PCDH11Y: variants seen among roughly 807,000 people sequenced by gnomAD.
The protein encoded by PCDH11Y is protocadherin 11 Y-linked, also known as protocadherin-11 Y-linked.
For synonymous variants in PCDH11Y, 9 were observed against 83.6 expected (o/e 0.11, Z 4.87); for missense variants, 12 against 224.8 (o/e 0.05, Z 6.05).
At chrY:5,683,880 C>G in intron 4 of PCDH11Y, among the ~76,000 whole-genome samples, 1 of 33,301 alleles carries the variant, frequency 3.0e-5, no homozygotes, top group Non-Finnish European at 7.5e-5. Flanking sequence ...ATTGAAGAAA[C>G]TCTCCAAGAC....
intron 2 of PCDH11Y, among the ~76,000 whole-genome samples, chrY:5,138,235 A>C: frequency 3.1e-5 from 1 of 32,727 alleles, no homozygotes; most frequent in Non-Finnish European, 7.5e-5. Context: ...ACTTAACAAA[A>C]CCTCTGGGAT....
At chrY:5,646,487 A>G in intron 4 of PCDH11Y, among the ~76,000 whole-genome samples, 1 of 32,693 alleles carries the variant, frequency 3.1e-5, no homozygotes, top group Non-Finnish European at 7.5e-5. Flanking sequence ...AATAACTTAA[A>G]AAGTGTAATT....
chrY:5,629,883 A>T, intron 4 of PCDH11Y, among the ~76,000 whole-genome samples: 2 of 32,953 alleles, frequency 6.1e-5, no homozygotes, highest in Admixed American at 2.8e-4. Context: ...TAGAAGGTGC[A>T]TGTTCTCTTA....
At chrY:5,252,141 C>T in intron 2 of PCDH11Y, among the ~76,000 whole-genome samples, 1 of 30,243 alleles carries the variant, frequency 3.3e-5, no homozygotes, top group African/African-American at 1.3e-4. Context: ...AAAGTAATAC[C>T]GTATCACTCT....
intron 2 of PCDH11Y, among the ~76,000 whole-genome samples, chrY:5,376,459 G>A: frequency 3.0e-5 from 1 of 33,225 alleles, no homozygotes. Flanking sequence ...CACCACGCCC[G>A]GCCTAGAATT....
chrY:5,109,260 A>G, downstream of PCDH11Y, among the ~76,000 whole-genome samples: 1 of 33,599 alleles, frequency 3.0e-5, no homozygotes, highest in African/African-American at 1.2e-4. Flanking sequence ...GGTTTAATGT[A>G]TTTAGAATTA....
At chrY:5,655,876 CTTTTTTTTTTT>C (rs34534554) in intron 4 of PCDH11Y, among the ~76,000 whole-genome samples, 2 of 9,432 alleles carry the variant, frequency 2.1e-4, no homozygotes, top group Non-Finnish European at 3.9e-4. Flanking sequence ...GGATAAAAGG[CTTTTTTTTTTT>C]TTTTTTTTTT....
At chrY:5,162,480 A>G in intron 2 of PCDH11Y, among the ~76,000 whole-genome samples, 1 of 33,420 alleles carries the variant, frequency 3.0e-5, no homozygotes, top group African/African-American at 1.2e-4. Context: ...ACATAGAAGC[A>G]AAGATTAGTG....
exon 5 of PCDH11Y, chrY:5,741,267 A>C: frequency 7.3e-5 from 2 of 27,473 alleles, no homozygotes; most frequent in Admixed American, 7.0e-4. Flanking sequence ...TAAATGGGAA[A>C]AAAATAGACT....
intron 4 of PCDH11Y, among the ~76,000 whole-genome samples, chrY:5,687,461 C>G (rs2053564363): frequency 1.3e-4 from 4 of 31,208 alleles, no homozygotes; most frequent in South Asian, 7.5e-4. Flanking sequence ...AAAATTAGCC[C>G]GGCGTGGTGG....
chrY:5,193,114 AT>A (rs2052914378), intron 2 of PCDH11Y, among the ~76,000 whole-genome samples: 1 of 33,328 alleles, frequency 3.0e-5, no homozygotes, highest in African/African-American at 1.2e-4. Flanking sequence ...CCAACGTCTC[AT>A]GGCTAGTTTG....
chrY:5,625,892 A>AT (rs2053506814), intron 4 of PCDH11Y, among the ~76,000 whole-genome samples: 2 of 10,506 alleles, frequency 1.9e-4, no homozygotes, highest in Non-Finnish European at 4.1e-4. Flanking sequence ...CCTGAAATTT[A>AT]TTTTTTTGGT....
chrY:5,581,506 A>T, intron 3 of PCDH11Y, among the ~76,000 whole-genome samples: 1 of 33,027 alleles, frequency 3.0e-5, no homozygotes, highest in Non-Finnish European at 7.6e-5. Context: ...TTAATAACAC[A>T]TCTCCTTTGT....
At chrY:5,605,830 G>T in intron 4 of PCDH11Y, among the ~76,000 whole-genome samples, 1 of 30,295 alleles carries the variant, frequency 3.3e-5, no homozygotes. Flanking sequence ...GTACAAAAAG[G>T]AATGGAATGT....
chrY:5,453,794 A>G (rs2124682983), intron 2 of PCDH11Y, among the ~76,000 whole-genome samples: 1 of 30,761 alleles, frequency 3.3e-5, no homozygotes, highest in East Asian at 8.7e-4. Flanking sequence ...GGACAGAATC[A>G]AGGGGATGGT....
At chrY:5,487,345 C>T (rs2053334785) in intron 2 of PCDH11Y, among the ~76,000 whole-genome samples, 2 of 31,519 alleles carry the variant, frequency 6.3e-5, no homozygotes. Context: ...ATTACAGGCA[C>T]CCGCCACCAC....
intron 4 of PCDH11Y, among the ~76,000 whole-genome samples, chrY:5,594,092 C>T: frequency 6.1e-5 from 2 of 32,950 alleles, no homozygotes; most frequent in Non-Finnish European, 1.5e-4. Flanking sequence ...TCCCTACACA[C>T]ATTCACAGCA....
chrY:5,253,964 CT>C (rs2053007121), intron 2 of PCDH11Y, among the ~76,000 whole-genome samples: 1 of 33,710 alleles, frequency 3.0e-5, no homozygotes, highest in African/African-American at 1.1e-4. Flanking sequence ...CTCAATTTCA[CT>C]TTGGGCATTC....
chrY:5,603,747 A>C (rs2053475032), intron 4 of PCDH11Y, among the ~76,000 whole-genome samples: 2 of 29,398 alleles, frequency 6.8e-5, no homozygotes, highest in African/African-American at 2.7e-4. Flanking sequence ...TGGCATGAAC[A>C]GTGACACTGA....
Sources: allele counts gnomAD v4.1 joint callset (sites outside exome capture counted in the v4.1 genomes callset), GRCh38; gene constraint gnomAD v4.1.1; transcripts MANE v1.5; gene names NCBI Gene and HGNC (gene_info 2026-07-23, HGNC 2026-07-21).